PSD3: variants seen among roughly 807,000 people sequenced by gnomAD.
The protein encoded by PSD3 is pleckstrin and Sec7 domain containing 3.
A neutral mutation model predicts 105.5 loss-of-function variants in PSD3; 49 were observed. The ratio of observed to expected loss-of-function variants is 0.46; its 90% CI spans 0.37 to 0.59. The LOEUF is 0.59. Among genes scored for constraint, PSD3 ranks in the 20% least tolerant of loss-of-function variants. PSD3 has a pLI of 0.00. For synonymous variants in PSD3, 557 were observed against 457.8 expected, an observed-to-expected ratio of 1.22 and a Z score of -2.77; for missense variants, 1,561 against 1,263.8, an observed-to-expected ratio of 1.24 and a Z score of -3.57.
At chr8:18,674,309 C>A (rs556098216) in intron 9 of PSD3, among the ~76,000 whole-genome samples, 2 of 152,186 alleles carry the variant, frequency 1.3e-5, no homozygotes, top group African/African-American at 2.4e-5. Flanking sequence ...GCCTTCCCTG[C>A]GTTCTGTGGG....
intron 9 of PSD3, among the ~76,000 whole-genome samples, chr8:18,753,604 A>G (rs899055385): frequency 6.6e-6 from 1 of 152,190 alleles, no homozygotes; most frequent in Non-Finnish European, 1.5e-5. Context: ...AATGTTTTAA[A>G]TAACAGTAAA....
At chr8:18,902,985 G>A (rs1285452907) in intron 2 of PSD3, among the ~76,000 whole-genome samples, 3 of 152,168 alleles carry the variant, frequency 2.0e-5, no homozygotes, top group African/African-American at 7.2e-5. Flanking sequence ...TGGAGTGGCT[G>A]TGGGGCCAGG....
chr8:18,969,667 G>A (rs1824510508), intron 1 of PSD3, among the ~76,000 whole-genome samples: 1 of 152,114 alleles, frequency 6.6e-6, no homozygotes, highest in Non-Finnish European at 1.5e-5. Flanking sequence ...ATTACTATAT[G>A]GGATGTTTCA....
intron 9 of PSD3, among the ~76,000 whole-genome samples, chr8:18,755,624 T>C (rs1805972614): frequency 6.6e-6 from 1 of 152,246 alleles, no homozygotes; most frequent in East Asian, 1.9e-4. Flanking sequence ...TCCATTACAG[T>C]ACCCTTAATG....
rs572680160 is a variant in PSD3, at chr8:18,689,538, A to G, written c.2173-33853T>C. 1.4e-4 allele frequency among the ~76,000 whole-genome samples: 22 copies of G among 152,338 alleles called. No homozygotes were observed. In the South Asian group the frequency reaches 4.6e-3, roughly 32 times the overall value. On this transcript the variant is annotated intron_variant, in intron 9 of 15. Transcript: ENST00000327040. ...TACCAAGAAGGACTGGGGAGGGAAG[A>G]GAGGCATGAGGTGTCAAGAGGAACT...
At chr8:18,769,290 T>C (rs1039393285) in intron 8 of PSD3, among the ~76,000 whole-genome samples, 2 of 152,218 alleles carry the variant, frequency 1.3e-5, no homozygotes, top group Non-Finnish European at 2.9e-5. Flanking sequence ...ACCAAAACTA[T>C]TTTTTGATAT....
chr8:18,822,189 A>G (rs1256162310), intron 4 of PSD3, among the ~76,000 whole-genome samples: 1 of 152,186 alleles, frequency 6.6e-6, no homozygotes, highest in Non-Finnish European at 1.5e-5. Flanking sequence ...GATTTACACA[A>G]TAAGGTTTTT....
intron 1 of PSD3, among the ~76,000 whole-genome samples, chr8:18,993,951 G>C (rs1228174272): frequency 6.6e-6 from 1 of 151,900 alleles, no homozygotes; most frequent in Non-Finnish European, 1.5e-5. Flanking sequence ...CCATTTAAAA[G>C]ATGAAGCAAA....
At chr8:18,704,934 A>G (rs1405645802) in intron 9 of PSD3, among the ~76,000 whole-genome samples, 1 of 152,200 alleles carries the variant, frequency 6.6e-6, no homozygotes, top group East Asian at 1.9e-4. Context: ...TGGAAAAAAT[A>G]AATGGGCAAC....
At chr8:18,749,797 G>A (rs1468709276) in intron 9 of PSD3, among the ~76,000 whole-genome samples, 1 of 152,106 alleles carries the variant, frequency 6.6e-6, no homozygotes, top group Admixed American at 6.5e-5. Context: ...CACACGCAAA[G>A]GACTAAAGGT....
At chr8:18,744,182 TA>T (rs1339913166) in intron 9 of PSD3, among the ~76,000 whole-genome samples, 1 of 152,234 alleles carries the variant, frequency 6.6e-6, no homozygotes, top group South Asian at 2.1e-4. Context: ...AAGTATTTTT[TA>T]TGTGCCAAGT....
chr8:18,793,826 T>A (rs1255270415), intron 8 of PSD3, among the ~76,000 whole-genome samples: 1 of 152,230 alleles, frequency 6.6e-6, no homozygotes, highest in Non-Finnish European at 1.5e-5. Context: ...AGCTGCCAGT[T>A]ACAATAGTGA....
intron 1 of PSD3, among the ~76,000 whole-genome samples, chr8:18,979,177 C>T (rs527327354): frequency 1.3e-5 from 2 of 150,884 alleles, no homozygotes; most frequent in South Asian, 2.1e-4. Flanking sequence ...CACTGGGGGG[C>T]GGCCAGCACA....
chr8:18,640,005 AT>A (rs1167322515), intron 10 of PSD3, among the ~76,000 whole-genome samples: 6 of 152,160 alleles, frequency 3.9e-5, no homozygotes, highest in African/African-American at 1.4e-4. Context: ...AATACAAGCC[AT>A]GCAAAGCCTG....
At chr8:18,741,652 T>C (rs1242756873) in intron 9 of PSD3, among the ~76,000 whole-genome samples, 1 of 152,154 alleles carries the variant, frequency 6.6e-6, no homozygotes, top group Non-Finnish European at 1.5e-5. Flanking sequence ...AATGCAGTAT[T>C]TTAAAATCCA....
intron 9 of PSD3, among the ~76,000 whole-genome samples, chr8:18,696,785 G>C (rs771035743): frequency 4.7e-4 from 71 of 152,268 alleles, no homozygotes; most frequent in Non-Finnish European, 9.1e-4. Flanking sequence ...AACATCATTA[G>C]AGCTGGGGAA....
chr8:18,635,421 C>A (rs909756237), intron 10 of PSD3, among the ~76,000 whole-genome samples: 1 of 152,054 alleles, frequency 6.6e-6, no homozygotes, highest in African/African-American at 2.4e-5. Context: ...GGACAGCATA[C>A]AATATACAAC....
At chr8:18,807,770 T>TTA (rs1466405757) in intron 4 of PSD3, among the ~76,000 whole-genome samples, 1 of 152,174 alleles carries the variant, frequency 6.6e-6, no homozygotes, top group African/African-American at 2.4e-5. Context: ...AAATACATTT[T>TTA]TAAATGCATG....
At chr8:18,625,264 A>G (rs1806395669) in intron 11 of PSD3, among the ~76,000 whole-genome samples, 1 of 151,676 alleles carries the variant, frequency 6.6e-6, no homozygotes. Flanking sequence ...TAATTATCTG[A>G]CTTACTTTCT....
Sources: gnomAD v4.1 joint callset for allele counts (sites outside exome capture counted in the v4.1 genomes callset) on GRCh38, gnomAD v4.1.1 for gene constraint, MANE v1.5 for transcripts, NCBI Gene and HGNC (gene_info 2026-07-23, HGNC 2026-07-21) for gene names.